CACNG2: variants seen among roughly 807,000 people sequenced by gnomAD.
The protein encoded by CACNG2 is calcium voltage-gated channel auxiliary subunit gamma 2.
Under a neutral mutation model 25.9 loss-of-function variants are expected in CACNG2, and 3 were observed. The ratio of observed to expected loss-of-function variants is 0.12; its 90% CI spans 0.05 to 0.30. CACNG2 has a LOEUF of 0.30. CACNG2 is among the 10% of genes least tolerant of loss of function. CACNG2 has a pLI of 1.00. For synonymous variants in CACNG2, 167 were observed against 173.3 expected, an observed-to-expected ratio of 0.96 and a Z score of 0.29; for missense variants, 341 against 432.5, an observed-to-expected ratio of 0.79 and a Z score of 1.88.
At chr22:36,579,938 G>A (rs1022438966) in intron 2 of CACNG2, among the ~76,000 whole-genome samples, 1 of 152,164 alleles carries the variant, frequency 6.6e-6, no homozygotes, top group African/African-American at 2.4e-5. Flanking sequence ...TTTCCTCTTT[G>A]TTCTTTGCGC....
chr22:36,678,499 C>T lies in CACNG2; in HGVS notation c.211+23867G>A, dbSNP rs549634437. Among the ~76,000 whole-genome samples the T allele has an allele frequency of 9.9e-5, 15 of 152,212 alleles. No homozygotes were observed. The South Asian group carries it at 2.9e-3, about 29-fold the overall frequency. The stretch of plus-strand genomic sequence containing the variant: ...ACATTCACATTTGACCCAGTTCCCC[C>T]TTCTAACCAAAGACTCGACCCAATT... On this transcript the variant is annotated intron_variant, in intron 1 of 3. Transcript: ENST00000300105.
intron 1 of CACNG2, among the ~76,000 whole-genome samples, chr22:36,643,474 G>GTCTGTCTATCTA (rs561518849): frequency 8.5e-4 from 127 of 149,244 alleles, no homozygotes; most frequent in African/African-American, 3.0e-3. Context: ...CTATCTGTCT[G>GTCTGTCTATCTA]TCTATCTATC....
At chr22:36,689,873 G>A (rs1245344201) in intron 1 of CACNG2, among the ~76,000 whole-genome samples, 3 of 152,230 alleles carry the variant, frequency 2.0e-5, no homozygotes, top group East Asian at 1.9e-4. Context: ...CTGCCAGGGT[G>A]ACCTAAAATG....
rs577215419 is a variant in CACNG2, at chr22:36,606,394, A to C, written c.212-18846T>G. ...CCGTACATTAGAGATATGGAAGTGGAGGGACAGAGGGGTGAAGGAACGCCT... is the reference window on the plus strand; with the variant it reads ...CCGTACATTAGAGATATGGAAGTGGCGGGACAGAGGGGTGAAGGAACGCCT... On this transcript the variant is annotated intron_variant, in intron 1 of 3. Transcript: ENST00000300105. This position sits in a 1 kb window ranked among gnomAD's most constrained non-coding sequence, Gnocchi z 5.7. Among the ~76,000 whole-genome samples, 23 of 152,284 alleles carry C rather than the reference A, an allele frequency of 1.5e-4. No homozygotes were observed. The highest frequency in any genetic ancestry group is 5.5e-4 in the African/African-American group (23 of 41,556).
At chr22:36,625,182 T>C (rs1936167283) in intron 1 of CACNG2, among the ~76,000 whole-genome samples, 1 of 152,078 alleles carries the variant, frequency 6.6e-6, no homozygotes, top group African/African-American at 2.4e-5. Context: ...TGCAGGACGT[T>C]TCAAAAATTA....
At chr22:36,594,229 A>G (rs987135839) in intron 1 of CACNG2, among the ~76,000 whole-genome samples, 1 of 152,200 alleles carries the variant, frequency 6.6e-6, no homozygotes. Flanking sequence ...CTGGGATGGT[A>G]GAGGAAAATC....
At chr22:36,659,159 CT>C (rs768065781) in intron 1 of CACNG2, among the ~76,000 whole-genome samples, 14 of 152,264 alleles carry the variant, frequency 9.2e-5, no homozygotes, top group South Asian at 2.1e-4. Flanking sequence ...CACAGGCCTG[CT>C]GAGAGATTTC....
chr22:36,684,995 G>T (rs1020143239), intron 1 of CACNG2, among the ~76,000 whole-genome samples: 1 of 152,210 alleles, frequency 6.6e-6, no homozygotes, highest in African/African-American at 2.4e-5. Context: ...CCTGAGCTGC[G>T]GTGGTGTGTG....
At chr22:36,683,464 A>G (rs1601454819) in intron 1 of CACNG2, among the ~76,000 whole-genome samples, 1 of 152,150 alleles carries the variant, frequency 6.6e-6, no homozygotes, top group East Asian at 1.9e-4. Context: ...ATCCTACACT[A>G]TCTCTCTTAG....
chr22:36,563,311 G>T lies in CACNG2; in HGVS notation c.*1040C>A, dbSNP rs1935060582. Reference sequence around the variant, plus strand: ...TCAGGGGGTCCACCATCGCCCCAGGGTCATCAGGTGGCCCTGAGGTGAGGG... The same window carrying T: ...TCAGGGGGTCCACCATCGCCCCAGGTTCATCAGGTGGCCCTGAGGTGAGGG... On this transcript the variant is annotated 3_prime_UTR_variant, in exon 4 of 4. Coordinates refer to ENST00000300105, the MANE Select transcript of CACNG2 (RefSeq NM_006078.5). 6.6e-6 allele frequency among the ~76,000 whole-genome samples: 1 copy of T among 151,976 alleles called. No individual in the cohort carries two copies. The highest frequency in any genetic ancestry group is 2.1e-4 in the South Asian group (1 of 4,814).
chr22:36,699,237 T>TCACACACACACACA (rs3076293), intron 1 of CACNG2, among the ~76,000 whole-genome samples: 121 of 141,904 alleles, frequency 8.5e-4, no homozygotes, highest in African/African-American at 2.8e-3. Flanking sequence ...GATTTCAAGT[T>TCACACACACACACA]CACACACACA....
intron 1 of CACNG2, among the ~76,000 whole-genome samples, chr22:36,616,696 T>C (rs1446530186): frequency 6.6e-6 from 1 of 152,184 alleles, no homozygotes; most frequent in Non-Finnish European, 1.5e-5. Context: ...CATTGCATCC[T>C]GCTTGCTTGG....
In CACNG2 at chr22:36,616,451, C is replaced by T. The variant is rs565854721; in HGVS notation, c.212-28903G>A. Among the ~76,000 whole-genome samples, 7 of 152,280 alleles carry T rather than the reference C, an allele frequency of 4.6e-5. No individual in the cohort carries two copies. In the South Asian group the frequency reaches 1.0e-3, roughly 23 times the overall value. On this transcript the variant is annotated intron_variant, in intron 1 of 3. Coordinates refer to ENST00000300105, the MANE Select transcript of CACNG2 (RefSeq NM_006078.5). ...CTGCACGCCATAGTCTAGCGCCTTA[C>T]GATTCACCGGATTTTCCTGTCTCCA...
intron 2 of CACNG2, among the ~76,000 whole-genome samples, chr22:36,569,335 T>C (rs1211737979): frequency 6.6e-6 from 1 of 152,138 alleles, no homozygotes; most frequent in Non-Finnish European, 1.5e-5. Flanking sequence ...CCAGGATTCA[T>C]ATCCAGACCA....
At chr22:36,594,671 G>A (rs935326731) in intron 1 of CACNG2, among the ~76,000 whole-genome samples, 1 of 152,046 alleles carries the variant, frequency 6.6e-6, no homozygotes, top group Non-Finnish European at 1.5e-5. Flanking sequence ...GGAGGGGTCC[G>A]TGTATGCCCG....
At chr22:36,623,393 G>C (rs1218577861) in intron 1 of CACNG2, among the ~76,000 whole-genome samples, 1 of 152,114 alleles carries the variant, frequency 6.6e-6, no homozygotes, top group Non-Finnish European at 1.5e-5. Flanking sequence ...GGTTGCATTT[G>C]GCATTCATAT....
At chr22:36,572,453 TC>T (rs1214527010) in intron 2 of CACNG2, among the ~76,000 whole-genome samples, 2 of 152,162 alleles carry the variant, frequency 1.3e-5, no homozygotes, top group Admixed American at 6.5e-5. Context: ...ATTTACAAAA[TC>T]ACTTTGGGAG....
In CACNG2 at chr22:36,566,432, G is replaced by C. The variant is rs1484141306; in HGVS notation, c.357C>G (p.Gly119=). 9.9e-6 allele frequency: 16 copies of C among 1,613,954 alleles called. No homozygotes were observed. The highest frequency in any genetic ancestry group is 7.6e-6 in the Non-Finnish European group (9 of 1,179,964). The part of the protein sequence containing the change: ...ILSVILLFMG[G]LCIAASEFYK... ...AGAACTCGCTGGCTGCGATGCAGAG[G>C]CCACCCATGAAAAGCAGAATCACAC... Residue 119 remains glycine (G), a synonymous_variant, in exon 3 of 4, where the codon GGC becomes GGG. Transcript: ENST00000300105.
intron 1 of CACNG2, among the ~76,000 whole-genome samples, chr22:36,598,087 G>A (rs746567206): frequency 3.3e-5 from 5 of 152,214 alleles, no homozygotes; most frequent in East Asian, 1.9e-4. Flanking sequence ...CTTCACTGCA[G>A]TGTGTCTCTT....
Sources: allele counts gnomAD v4.1 joint callset (sites outside exome capture counted in the v4.1 genomes callset), GRCh38; gene constraint gnomAD v4.1.1; non-coding constraint Gnocchi (gnomAD v3.1); transcripts MANE v1.5; gene names NCBI Gene and HGNC (gene_info 2026-07-23, HGNC 2026-07-21).